Variants in MDN1 observed in about 807,000 individuals in gnomAD.
MDN1 encodes midasin.
Under a neutral mutation model 669.2 loss-of-function variants are expected in MDN1, and 266 were observed. That is an observed-to-expected ratio of 0.40 (90% CI 0.36 to 0.44). MDN1 has a LOEUF of 0.44. Ranked by LOEUF, MDN1 falls within the 20% of genes least tolerant of loss-of-function variation. MDN1 has a pLI of 1.00. For synonymous variants in MDN1, 2,385 were observed against 2,457.1 expected (o/e 0.97, Z 0.87); for missense variants, 5,940 against 6,754.0 (o/e 0.88, Z 4.22).
chr6:89,791,442 T>G (rs1819263197), intron 5 of MDN1, among the ~76,000 whole-genome samples: 1 of 152,182 alleles, frequency 6.6e-6, no homozygotes, highest in African/African-American at 2.4e-5. Flanking sequence ...TCATATAAAA[T>G]ACTATGATGC....
intron 15 of MDN1, among the ~76,000 whole-genome samples, chr6:89,762,940 C>T (rs1248189003): frequency 6.6e-6 from 1 of 152,038 alleles, no homozygotes; most frequent in East Asian, 1.9e-4. Context: ...CCTGCAGTCC[C>T]AGCTACTTGG....
At position 89,740,319 on chromosome 6, in the gene MDN1, T is replaced by C. The variant is rs779839958; in HGVS notation, c.4508A>G (p.Asp1503Gly). 1.2e-6 allele frequency: 2 copies of C among 1,606,598 alleles called. No homozygotes were observed. The highest frequency in any genetic ancestry group is 1.3e-5 in the African/African-American group (1 of 74,396). Residue 1503 changes from aspartate to glycine, a missense_variant, in exon 32 of 102, where the codon GAT becomes GGT. By Grantham distance (94) the Asp-to-Gly change is moderately conservative. Coordinates refer to ENST00000369393, the MANE Select transcript of MDN1 (RefSeq NM_014611.3). Reference sequence around the variant, plus strand: ...AGCAGTCAACAGCTCTATTTCACTATCCTTGTCCTCTGGACTGCCTTTTTC... The same window carrying C: ...AGCAGTCAACAGCTCTATTTCACTACCCTTGTCCTCTGGACTGCCTTTTTC... ...LAEKGSPEDKDSEIELLTAGK... is the reference protein window; with the variant it reads ...LAEKGSPEDKGSEIELLTAGK...
chr6:89,766,136 T>C (rs1031962028), intron 15 of MDN1, among the ~76,000 whole-genome samples: 7 of 151,950 alleles, frequency 4.6e-5, no homozygotes, highest in Non-Finnish European at 7.4e-5. Flanking sequence ...CCATCTCTAC[T>C]AAAAATATAA....
At chr6:89,657,551 T>C (rs1219659049) in intron 90 of MDN1, among the ~76,000 whole-genome samples, 2 of 152,228 alleles carry the variant, frequency 1.3e-5, no homozygotes, top group Non-Finnish European at 1.5e-5. Context: ...AAAACACCGT[T>C]AAAGGTATAC....
chr6:89,780,144 GA>G, intron 11 of MDN1, 67 bp downstream of exon 11: 2 of 870,730 alleles, frequency 2.3e-6, no homozygotes, highest in Non-Finnish European at 3.5e-6. Context: ...TCAAAAGACA[GA>G]AAATAACAAC....
At position 89,683,062 on chromosome 6, in the gene MDN1, C is replaced by A; in HGVS notation, c.12102+70G>T. ...TTTCTTGTCTAGTACTGAGGCATGC[C>A]TTGCACATAAAACACAGATCCCACT... On this transcript the variant is annotated intron_variant, in intron 73 of 101. Coordinates refer to ENST00000369393, the MANE Select transcript of MDN1 (RefSeq NM_014611.3). 4.7e-6 allele frequency: 7 copies of A among 1,493,206 alleles called. No individual in the cohort carries two copies. In the South Asian group the frequency reaches 8.1e-5, roughly 17 times the overall value. The allele number at this position is 1,493,206 out of a possible 1,614,324, so 92.5% of individuals were successfully genotyped here.
intron 8 of MDN1, among the ~76,000 whole-genome samples, chr6:89,786,795 G>A (rs1304455631): frequency 6.6e-6 from 1 of 151,510 alleles, no homozygotes; most frequent in Non-Finnish European, 1.5e-5. Flanking sequence ...TGTGGTGGCA[G>A]GTGCCTGTAA....
At position 89,678,575 on chromosome 6, in the gene MDN1, T is replaced by A. The variant is rs757100026; in HGVS notation, c.12412+24A>T. On this transcript the variant is annotated intron_variant, in intron 75 of 101. Coordinates refer to ENST00000369393, the MANE Select transcript of MDN1 (RefSeq NM_014611.3). The stretch of plus-strand genomic sequence containing the variant: ...CCTAAAAGTTGGTGACTACATTTCA[T>A]TGGGTTTCAAGTGAGAACCTTACCA... The A allele has an allele frequency of 2.5e-6, 4 of 1,608,914 alleles. No homozygotes were observed. In the Admixed American group the frequency reaches 6.8e-5, roughly 27 times the overall value.
At chr6:89,654,512 T>C (rs572281243) in intron 92 of MDN1, among the ~76,000 whole-genome samples, 178 bp from the exon 93 acceptor site, 7 of 152,252 alleles carry the variant, frequency 4.6e-5, no homozygotes, top group South Asian at 2.1e-4. Flanking sequence ...TATTGACCTA[T>C]TGACATAATG....
intron 97 of MDN1, among the ~76,000 whole-genome samples, chr6:89,648,896 A>G (rs1177503761): frequency 6.6e-6 from 1 of 150,970 alleles, no homozygotes; most frequent in Non-Finnish European, 1.5e-5. Flanking sequence ...AAGTGGGAGG[A>G]CTGTACTGCT....
intron 14 of MDN1, 127 bp downstream of exon 14, chr6:89,772,446 A>C: frequency 8.3e-6 from 8 of 963,040 alleles, no homozygotes; most frequent in Non-Finnish European, 1.2e-5. Context: ...ATTTCCAGGC[A>C]GAGATTACAT....
Position 89,708,504 on chromosome 6 carries a change from A to T in MDN1, c.7890T>A (p.Ala2630=). The change falls in exon 51 of 102, where the codon GCT becomes GCA. Residue 2630 remains alanine (A), a synonymous_variant. Coordinates refer to ENST00000369393, the MANE Select transcript of MDN1 (RefSeq NM_014611.3). The part of the protein sequence containing the change: ...PDQLFALLES[A]ANKTIIYLDR... Reference sequence around the variant, plus strand: ...CAGCAGGTTTCACTTACTTGTTTGCAGCTGATTCTAAAAGGGCAAAGAGCT... The same window carrying T: ...CAGCAGGTTTCACTTACTTGTTTGCTGCTGATTCTAAAAGGGCAAAGAGCT... 6 of 1,613,958 alleles carry T rather than the reference A, an allele frequency of 3.7e-6. No homozygotes were observed. Among genetic ancestry groups the T allele is most frequent in the Non-Finnish European group, 5.1e-6 (6 of 1,179,956 alleles).
chr6:89,702,495 T>C (rs1238305543), intron 53 of MDN1, among the ~76,000 whole-genome samples: 4 of 152,272 alleles, frequency 2.6e-5, no homozygotes, highest in African/African-American at 7.2e-5. Context: ...AATTCTATTC[T>C]GGTGGATGGT....
chr6:89,692,363 A>C (rs1263173156), intron 63 of MDN1, 80 bp downstream of exon 63: 1 of 1,266,602 alleles, frequency 7.9e-7, no homozygotes, highest in Non-Finnish European at 1.1e-6. Flanking sequence ...TAGGCATGCT[A>C]ATGTCCTGCA....
intron 17 of MDN1, among the ~76,000 whole-genome samples, chr6:89,759,477 T>C (rs1817422095): frequency 6.6e-6 from 1 of 152,124 alleles, no homozygotes; most frequent in Non-Finnish European, 1.5e-5. Context: ...TTAAGAATAA[T>C]TCTGGGCTGG....
intron 10 of MDN1, 157 bp downstream of exon 10, chr6:89,781,242 C>G (rs1221405303): frequency 5.9e-6 from 4 of 675,310 alleles, no homozygotes; most frequent in African/African-American, 1.8e-5. Flanking sequence ...CAAAACCTGA[C>G]TATTTACTTC....
chr6:89,716,937 A>T, intron 43 of MDN1, 128 bp from the exon 44 acceptor site: 1 of 1,066,428 alleles, frequency 9.4e-7, no homozygotes, highest in Non-Finnish European at 1.3e-6. Context: ...TAAATAGAAG[A>T]ATGTTTTGCT....
In MDN1 at chr6:89,754,218, A is replaced by T. The variant is rs748300082; in HGVS notation, c.2829T>A (p.Ala943=). 6.2e-7 allele frequency: 1 copy of T among 1,613,824 alleles called. No homozygotes were observed. The highest frequency in any genetic ancestry group is 8.5e-7 in the Non-Finnish European group (1 of 1,179,820). Residue 943 remains alanine (A), a synonymous_variant, in exon 21 of 102, where the codon GCT becomes GCA. Transcript: ENST00000369393. ...TVQGIINFYT[A]LRKESGTKLV... is the part of the protein sequence containing the mutation. ...GTTTGGTCCCAGACTCTTTCCGCAA[A>T]GCTGTGTAGAAGCTACAAATAGAAT... is the stretch of plus-strand genomic sequence containing the variant.
chr6:89,704,638 G>A (rs1368044364), intron 53 of MDN1, among the ~76,000 whole-genome samples: 2 of 152,184 alleles, frequency 1.3e-5, no homozygotes, highest in East Asian at 3.9e-4. Context: ...CCAGGCTGGA[G>A]TGCAATGGCA....
Sources: allele counts gnomAD v4.1 joint callset (sites outside exome capture counted in the v4.1 genomes callset), GRCh38; gene constraint gnomAD v4.1.1; transcripts MANE v1.5; gene names NCBI Gene and HGNC (gene_info 2026-07-23, HGNC 2026-07-21).